The following ARSG variants were observed in gnomAD, a reference collection of about 807,000 sequenced individuals.
ARSG encodes the protein ASG.
A neutral mutation model predicts 50.5 loss-of-function variants in ARSG; 37 were observed. That is an observed-to-expected ratio of 0.73 (90% confidence interval 0.56 to 0.96). ARSG has a LOEUF of 0.96. Ranked by LOEUF, ARSG falls within the 50% of genes least tolerant of loss-of-function variation. ARSG has a pLI of 0.00. For missense variants in ARSG, 629 were observed against 675.3 expected, an observed-to-expected ratio of 0.93 and a Z score of 0.76; for synonymous variants, 225 against 254.6, an observed-to-expected ratio of 0.88 and a Z score of 1.11.
At chr17:68,313,353 T>C (rs1457197824) in intron 2 of ARSG, among the ~76,000 whole-genome samples, 1 of 152,204 alleles carries the variant, frequency 6.6e-6, no homozygotes, top group Non-Finnish European at 1.5e-5. Flanking sequence ...GACTGAAGGC[T>C]CTGACAGAGA....
intron 8 of ARSG, among the ~76,000 whole-genome samples, chr17:68,372,797 T>C (rs1025719421): frequency 3.9e-5 from 6 of 152,042 alleles, no homozygotes; most frequent in Non-Finnish European, 7.4e-5. Context: ...CGTCATCGTA[T>C]TAGTCTGGCA....
the ARSG span, among the ~76,000 whole-genome samples, chr17:68,436,211 A>G: frequency 6.6e-6 from 1 of 152,100 alleles, no homozygotes; most frequent in Admixed American, 6.6e-5. Context: ...GGTGAGGTTG[A>G]CTCACAGCAA....
intron 8 of ARSG, among the ~76,000 whole-genome samples, chr17:68,372,537 G>A (rs1261008598): frequency 4.6e-5 from 7 of 152,062 alleles, no homozygotes; most frequent in African/African-American, 9.7e-5. Context: ...AGGGGAAGGC[G>A]CCACACACTT....
chr17:68,366,217 G>A (rs2079538838), intron 6 of ARSG, among the ~76,000 whole-genome samples: 1 of 150,988 alleles, frequency 6.6e-6, no homozygotes, highest in Non-Finnish European at 1.5e-5. Flanking sequence ...GGGATTACAG[G>A]TGTGAGCCAC....
downstream of ARSG, chr17:68,427,024 G>A (rs1600262618): frequency 2.4e-6 from 2 of 848,464 alleles, no homozygotes; most frequent in Non-Finnish European, 3.8e-6. Flanking sequence ...GGGGAGGGAG[G>A]GCACTCCACC....
At chr17:68,407,818 T>A (rs1175344327) in intron 11 of ARSG, among the ~76,000 whole-genome samples, 1 of 152,140 alleles carries the variant, frequency 6.6e-6, no homozygotes, top group Non-Finnish European at 1.5e-5. Context: ...GAGTTTGACT[T>A]CCTCTTTACT....
chr17:68,406,053 C>A (rs1288312327), intron 11 of ARSG, among the ~76,000 whole-genome samples: 1 of 152,124 alleles, frequency 6.6e-6, no homozygotes, highest in East Asian at 1.9e-4. Context: ...CCACTTTACC[C>A]CCAAGTCCCC....
chr17:68,325,427 A>G (rs142438023), intron 2 of ARSG, among the ~76,000 whole-genome samples: 2 of 152,234 alleles, frequency 1.3e-5, no homozygotes, highest in East Asian at 3.9e-4. Context: ...TTACAATATA[A>G]TAATAATAGA....
chr17:68,395,293 AG>A (rs1319760378), intron 10 of ARSG, 100 bp downstream of exon 10: 20 of 1,540,130 alleles, frequency 1.3e-5, no homozygotes, highest in South Asian at 2.3e-5. Flanking sequence ...AAGATGGTCA[AG>A]AACAGGCTGC....
At chr17:68,315,293 G>C (rs1555768098) in intron 2 of ARSG, among the ~76,000 whole-genome samples, 2 of 152,154 alleles carry the variant, frequency 1.3e-5, no homozygotes, top group Non-Finnish European at 2.9e-5. Flanking sequence ...TGTAATTCCA[G>C]TACTTTGGGA....
intron 11 of ARSG, among the ~76,000 whole-genome samples, chr17:68,402,478 C>T (rs1178559746): frequency 2.0e-5 from 3 of 151,844 alleles, no homozygotes; most frequent in Admixed American, 1.3e-4. Flanking sequence ...CTCCTGACCT[C>T]GTGATCCGCC....
chr17:68,415,815 G>T (rs369347760), intron 11 of ARSG, among the ~76,000 whole-genome samples: 5 of 152,108 alleles, frequency 3.3e-5, no homozygotes, highest in Admixed American at 3.3e-4. Flanking sequence ...AGTTGGTTTT[G>T]TCTGATATAA....
At chr17:68,318,688 C>T (rs2145807474) in intron 2 of ARSG, among the ~76,000 whole-genome samples, 1 of 152,302 alleles carries the variant, frequency 6.6e-6, no homozygotes, top group South Asian at 2.1e-4. Context: ...TAACTTTGCG[C>T]CTTGATCTCA....
intron 9 of ARSG, among the ~76,000 whole-genome samples, chr17:68,389,743 T>C (rs139134774): frequency 0.01 from 1,576 of 152,238 alleles, 42 homozygotes; most frequent in African/African-American, 0.036. Flanking sequence ...TCTCGCTTCC[T>C]GTCCTTAGAT....
At chr17:68,297,271 C>T (rs1452957019) in intron 1 of ARSG, among the ~76,000 whole-genome samples, 5 of 152,154 alleles carry the variant, frequency 3.3e-5, no homozygotes, top group Non-Finnish European at 5.9e-5. Context: ...TTAAATTGTC[C>T]GAAACCAGAT....
At chr17:68,313,679 C>CTTTTTTTTTTTT (rs1464951846) in intron 2 of ARSG, among the ~76,000 whole-genome samples, 1 of 40,778 alleles carries the variant, frequency 2.5e-5, no homozygotes. Context: ...ATCTCTCTCT[C>CTTTTTTTTTTTT]TCTCTTTTTT....
chr17:68,404,589 A>AT (rs1332993344), intron 11 of ARSG, among the ~76,000 whole-genome samples: 2 of 152,062 alleles, frequency 1.3e-5, no homozygotes, highest in African/African-American at 4.8e-5. Flanking sequence ...ATTTGCTAAG[A>AT]TTTTGTCTAT....
upstream of ARSG, among the ~76,000 whole-genome samples, chr17:68,289,750 C>T (rs187552991): frequency 1.7e-4 from 26 of 152,310 alleles, no homozygotes; most frequent in East Asian, 5.0e-3. Context: ...ACCTGAGCCC[C>T]TAATTTAAGT....
At position 68,304,156 on chromosome 17, in the gene ARSG, C is replaced by T. The variant is rs1555763015; in HGVS notation, c.-551-2787C>T. Among the ~76,000 whole-genome samples the T allele has an allele frequency of 9.2e-5, 14 of 152,200 alleles. 1 individual carries two copies. The highest frequency in any genetic ancestry group is 1.8e-4 in the Non-Finnish European group (12 of 68,022). On this transcript the variant is annotated intron_variant, in intron 1 of 11. Coordinates refer to ENST00000621439, the MANE Select transcript of ARSG (RefSeq NM_001267727.2). ...CCAGGCATGAGGCCACTCTAGTGTTCCAAGCTAAGAAGCTTTAAGAGGAAA... is the reference window on the plus strand; with the variant it reads ...CCAGGCATGAGGCCACTCTAGTGTTTCAAGCTAAGAAGCTTTAAGAGGAAA...
Sources: gnomAD v4.1 joint callset for allele counts (sites outside exome capture counted in the v4.1 genomes callset) on GRCh38, gnomAD v4.1.1 for gene constraint, MANE v1.5 for transcripts, NCBI Gene and HGNC (gene_info 2026-07-23, HGNC 2026-07-21) for gene names.